Variants in SGCZ observed in about 807,000 individuals in gnomAD.
SGCZ encodes zeta-sarcoglycan.
Under a neutral mutation model 41.3 loss-of-function variants are expected in SGCZ, and 40 were observed. The observed-to-expected ratio is 0.97, with a 90% CI of 0.75 to 1.26. The LOEUF (loss-of-function observed/expected upper bound fraction) is 1.26, where lower values mean the gene tolerates loss of function less well. Ranked by LOEUF, SGCZ falls within the 50% of genes most tolerant of loss-of-function variation. The pLI, the probability that SGCZ is intolerant of heterozygous loss-of-function variation, is 0.00. For missense variants in SGCZ, 552 were observed against 369.8 expected, an observed-to-expected ratio of 1.49 and a Z score of -4.04; for synonymous variants, 206 against 137.5, an observed-to-expected ratio of 1.50 and a Z score of -3.49.
At chr8:15,136,939 T>A (rs558834729) in intron 1 of SGCZ, among the ~76,000 whole-genome samples, 1 of 152,044 alleles carries the variant, frequency 6.6e-6, no homozygotes, top group East Asian at 1.9e-4. Flanking sequence ...ATGGAACAGT[T>A]TGGAGGGCTC....
chr8:14,678,800 A>T (rs1306901152), intron 1 of SGCZ, among the ~76,000 whole-genome samples: 6 of 152,230 alleles, frequency 3.9e-5, no homozygotes, highest in Non-Finnish European at 7.4e-5. Context: ...TCAGTAGGTG[A>T]ACAGATAAAT....
At chr8:14,602,928 G>A (rs1262614980) in intron 1 of SGCZ, among the ~76,000 whole-genome samples, 1 of 152,162 alleles carries the variant, frequency 6.6e-6, no homozygotes, top group Non-Finnish European at 1.5e-5. Context: ...TGATAAGCAA[G>A]CCATGATTGT....
chr8:14,119,228 C>G (rs539762843), intron 5 of SGCZ, among the ~76,000 whole-genome samples: 1 of 151,884 alleles, frequency 6.6e-6, no homozygotes, highest in Non-Finnish European at 1.5e-5. Context: ...TGTGGCCCCT[C>G]TTATTTCCTT....
chr8:15,226,644 G>A (rs896353244), intron 1 of SGCZ, among the ~76,000 whole-genome samples: 1 of 152,120 alleles, frequency 6.6e-6, no homozygotes, highest in Non-Finnish European at 1.5e-5. Flanking sequence ...AAAATGACTT[G>A]TGAAACTTTA....
chr8:14,192,703 C>G (rs1277973479), intron 4 of SGCZ, among the ~76,000 whole-genome samples: 1 of 151,910 alleles, frequency 6.6e-6, no homozygotes, highest in Non-Finnish European at 1.5e-5. Flanking sequence ...TATATTTATG[C>G]TATTTCAGAA....
At chr8:15,030,022 G>A (rs573082214) in intron 1 of SGCZ, among the ~76,000 whole-genome samples, 3 of 152,120 alleles carry the variant, frequency 2.0e-5, no homozygotes, top group African/African-American at 7.2e-5. Flanking sequence ...TCTGTGCAAG[G>A]GACAAAAAAG....
intron 2 of SGCZ, among the ~76,000 whole-genome samples, chr8:14,549,331 G>A (rs1278292094): frequency 6.6e-6 from 1 of 151,998 alleles, no homozygotes; most frequent in African/African-American, 2.4e-5. Context: ...ATCAGGGGAA[G>A]CTAGCCACCC....
intron 3 of SGCZ, among the ~76,000 whole-genome samples, chr8:14,241,963 T>A (rs1001008726): frequency 9.2e-5 from 14 of 152,220 alleles, no homozygotes; most frequent in Admixed American, 8.5e-4. Flanking sequence ...ATAACAAATA[T>A]TTACTCAGTG....
intron 2 of SGCZ, among the ~76,000 whole-genome samples, chr8:14,436,868 T>C (rs1246193785): frequency 6.6e-6 from 1 of 152,182 alleles, no homozygotes; most frequent in East Asian, 1.9e-4. Flanking sequence ...TGACAAAATA[T>C]GGTTATTCAG....
chr8:15,166,038 T>C (rs1304167298), intron 1 of SGCZ, among the ~76,000 whole-genome samples: 1 of 152,162 alleles, frequency 6.6e-6, no homozygotes, highest in Non-Finnish European at 1.5e-5. Context: ...TGGATTCTAT[T>C]TCATAATATC....
chr8:14,905,457 C>T (rs1352303073), intron 1 of SGCZ, among the ~76,000 whole-genome samples: 1 of 151,992 alleles, frequency 6.6e-6, no homozygotes, highest in Non-Finnish European at 1.5e-5. Context: ...AGACTAAGGA[C>T]ACTCATTTAC....
chr8:15,183,161 T>TGC (rs1563170573), intron 1 of SGCZ, among the ~76,000 whole-genome samples: 13 of 116,286 alleles, frequency 1.1e-4, no homozygotes, highest in African/African-American at 5.4e-4. Flanking sequence ...TACAGTTAAC[T>TGC]TTTTTTATAA....
chr8:14,868,425 T>C (rs1804014200), intron 1 of SGCZ, among the ~76,000 whole-genome samples: 1 of 152,174 alleles, frequency 6.6e-6, no homozygotes, highest in Admixed American at 6.6e-5. Flanking sequence ...AATATAATTA[T>C]ATACCTACCC....
intron 1 of SGCZ, among the ~76,000 whole-genome samples, chr8:14,646,771 A>AT (rs934916947): frequency 1.3e-5 from 2 of 151,754 alleles, no homozygotes; most frequent in African/African-American, 4.8e-5. Context: ...TCAATTGTCC[A>AT]TTTTTTTGTT....
intron 1 of SGCZ, among the ~76,000 whole-genome samples, chr8:15,149,993 G>GA (rs1045249551): frequency 1.2e-4 from 18 of 152,240 alleles, no homozygotes; most frequent in African/African-American, 3.9e-4. Context: ...TAGTTAGATG[G>GA]AAAAAAATCT....
intron 1 of SGCZ, among the ~76,000 whole-genome samples, chr8:14,628,131 T>C (rs189062464): frequency 6.6e-6 from 1 of 152,178 alleles, no homozygotes; most frequent in East Asian, 1.9e-4. Flanking sequence ...TAATGCTACA[T>C]TGGCCATTTA....
chr8:15,036,029 A>G (rs1803861458), intron 1 of SGCZ, among the ~76,000 whole-genome samples: 1 of 152,190 alleles, frequency 6.6e-6, no homozygotes, highest in Non-Finnish European at 1.5e-5. Context: ...AAACTAGAAA[A>G]AAATAAAAAA....
At chr8:14,687,162 G>GAAA (rs376743258) in intron 1 of SGCZ, among the ~76,000 whole-genome samples, 4 of 136,388 alleles carry the variant, frequency 2.9e-5, no homozygotes, top group Admixed American at 7.9e-5. Context: ...TCACTTTAAA[G>GAAA]AAAAAAAAAA....
At chr8:14,729,858 G>T (rs1810177398) in intron 1 of SGCZ, among the ~76,000 whole-genome samples, 2 of 152,198 alleles carry the variant, frequency 1.3e-5, no homozygotes, top group Non-Finnish European at 2.9e-5. Flanking sequence ...GACGAGGCAG[G>T]CAGACCAATT....
Sources: gnomAD v4.1 joint callset for allele counts (sites outside exome capture counted in the v4.1 genomes callset) on GRCh38, gnomAD v4.1.1 for gene constraint, MANE v1.5 for transcripts, NCBI Gene and HGNC (gene_info 2026-07-23, HGNC 2026-07-21) for gene names.